Variants in COL1A1 observed in about 807,000 individuals in gnomAD.
COL1A1 encodes collagen alpha-1(I) chain.
COL1A1 carries 21 observed loss-of-function variants against 195.7 expected under a neutral mutation model. The ratio of observed to expected loss-of-function variants is 0.11; its 90% CI spans 0.08 to 0.15. The LOEUF is 0.15. Among genes scored for constraint, COL1A1 ranks in the 10% least tolerant of loss-of-function variants. COL1A1 has a pLI of 1.00. For missense variants in COL1A1, 1,365 were observed against 2,051.0 expected, an observed-to-expected ratio of 0.67 and a Z score of 6.46; for synonymous variants, 749 against 747.3, an observed-to-expected ratio of 1.00 and a Z score of -0.04.
intron 26 of COL1A1, 23 bp from the exon 27 acceptor site, chr17:50,192,873 A>G: frequency 1.9e-6 from 3 of 1,613,460 alleles, no homozygotes; most frequent in Non-Finnish European, 2.5e-6. Context: ...AGCAAAGGGG[A>G]ACTCAGGGTT....
rs1309154160 is a variant in COL1A1, at chr17:50,184,340, C to T, written c.*1162G>A. 1.7e-5 allele frequency: 4 copies of T among 231,482 alleles called. No homozygotes were observed. In the Admixed American group the frequency reaches 2.3e-4, roughly 13 times the overall value. 14.3% of individuals were successfully genotyped at this position (231,482 alleles called of 1,614,324 possible). A position where few individuals can be genotyped will look rare whatever the true frequency, so the allele number is the denominator to read the frequency against. ...GAGGAGGGTTTCAGAGGAGAGAGGT[C>T]GGAGAGCAGAGGCCTGAGAAGCCAG... On this transcript the variant is annotated 3_prime_UTR_variant, in exon 51 of 51. Coordinates refer to ENST00000225964, the MANE Select transcript of COL1A1 (RefSeq NM_000088.4).
intron 5 of COL1A1, 91 bp from the exon 6 acceptor site, chr17:50,198,595 C>A: frequency 1.0e-6 from 1 of 993,458 alleles, no homozygotes. Context: ...TCATGCACTT[C>A]CTGGTGTGAT....
intron 29 of COL1A1, 54 bp from the exon 30 acceptor site, chr17:50,192,078 T>C: frequency 6.3e-7 from 1 of 1,584,300 alleles, no homozygotes. Context: ...CTGGGGCCAC[T>C]CTGCTGGAAA....
chr17:50,195,111 G>T lies in COL1A1; in HGVS notation c.1300-11C>A. The stretch of plus-strand genomic sequence containing the variant: ...AGCACCAGGTTCACCCTGCAAGGGG[G>T]GAGAAGAGGATGAGCTGAGAGTCGG... On this transcript the variant is annotated splice_polypyrimidine_tract_variant and intron_variant, in intron 19 of 50. Transcript: ENST00000225964. This position sits in a 1 kb window ranked among gnomAD's most constrained non-coding sequence, Gnocchi z 4.3. The T allele has an allele frequency of 5.6e-6, 9 of 1,613,608 alleles. No individual in the cohort carries two copies. Among genetic ancestry groups the T allele is most frequent in the Non-Finnish European group, 7.6e-6 (9 of 1,179,782 alleles).
rs1338480757 is a variant in COL1A1 at position 50,186,114 on chromosome 17, C to T, written c.4006-94G>A. 23 of 1,575,480 alleles carry T rather than the reference C, an allele frequency of 1.5e-5. No homozygotes were observed. The highest frequency in any genetic ancestry group is 3.5e-5 in the Admixed American group (2 of 57,168). On this transcript the variant is annotated intron_variant, in intron 49 of 50. Transcript: ENST00000225964. This position sits in a 1 kb window ranked among gnomAD's most constrained non-coding sequence, Gnocchi z 5.3. ...TGTCCAGGGTCCTCAGAGAGCTGCCCAATGCACCGTTATATCGAGAGGAGG... is the reference window on the plus strand; with the variant it reads ...TGTCCAGGGTCCTCAGAGAGCTGCCTAATGCACCGTTATATCGAGAGGAGG...
At chr17:50,192,611 C>T (rs747426618) in intron 28 of COL1A1, 29 bp downstream of exon 28, 1 of 1,614,180 alleles carries the variant, frequency 6.2e-7, no homozygotes, top group South Asian at 1.1e-5. Context: ...CCCCTACCTC[C>T]CAGCATCCTG....
In COL1A1 at chr17:50,194,178, C is replaced by G; in HGVS notation, c.1620G>C (p.Leu540=). 1.2e-6 allele frequency: 2 copies of G among 1,613,532 alleles called. No homozygotes were observed. The highest frequency in any genetic ancestry group is 1.7e-6 in the Non-Finnish European group (2 of 1,179,948). ...GACCAGGGCTGCCAGGGCTTCCAGT[C>G]AGACCCTAGGGAGGCAGAGAGGTAT... ...GEAGLPGAKG[L]TGSPGSPGPD... is the part of the protein sequence containing the mutation. Residue 540 remains leucine, a synonymous_variant, in exon 24 of 51, where the codon CTG becomes CTC. Transcript: ENST00000225964. The surrounding 1 kb of genome is among the most constrained non-coding windows in gnomAD (Gnocchi z 6.8).
In COL1A1 at chr17:50,196,721, G is replaced by A. The variant is rs183016093; in HGVS notation, c.805-51C>T. Reference sequence around the variant, plus strand: ...AAGAACCTGTGGAGGGGGTGGAACAGCCTTGACATCCACCTAGATCTGAGA... The same window carrying A: ...AAGAACCTGTGGAGGGGGTGGAACAACCTTGACATCCACCTAGATCTGAGA... On this transcript the variant is annotated intron_variant, in intron 11 of 50. Transcript: ENST00000225964. 1.4e-4 allele frequency: 218 copies of A among 1,582,636 alleles called. No individual in the cohort carries two copies. The African/African-American group carries it at 2.5e-3, about 18-fold the overall frequency.
chr17:50,193,802 A>G, intron 25 of COL1A1, 141 bp downstream of exon 25: 1 of 786,700 alleles, frequency 1.3e-6, no homozygotes, highest in Non-Finnish European at 2.2e-6. Flanking sequence ...CATTTTACAG[A>G]TAGGGAGGCT....
In COL1A1 at chr17:50,195,513, A is replaced by T; in HGVS notation, c.1156-35T>A. The T allele has an allele frequency of 6.2e-7, 1 of 1,614,068 alleles. No homozygotes were observed. Among genetic ancestry groups the T allele is most frequent in the Non-Finnish European group, 8.5e-7 (1 of 1,179,994 alleles). ...AGAGAAAGGAGTGTCAGCAACAGGCAAGGACTCTGAGGTTAGAAAGTGGCA... is the reference window on the plus strand; with the variant it reads ...AGAGAAAGGAGTGTCAGCAACAGGCTAGGACTCTGAGGTTAGAAAGTGGCA... On this transcript the variant is annotated intron_variant, in intron 17 of 50. Coordinates refer to ENST00000225964, the MANE Select transcript of COL1A1 (RefSeq NM_000088.4). This position sits in a 1 kb window ranked among gnomAD's most constrained non-coding sequence, Gnocchi z 4.3.
At position 50,186,608 on chromosome 17, in the gene COL1A1, G is replaced by A. The variant is rs750614597; in HGVS notation, c.3814+32C>T. ...TGGGGACCCTGGCATGGCAGGAGTA[G>A]GAGGGAGGGAGAGGCTAGGGCAGGC... On this transcript the variant is annotated intron_variant, in intron 48 of 50. Transcript: ENST00000225964. This position sits in a 1 kb window ranked among gnomAD's most constrained non-coding sequence, Gnocchi z 5.3. 4 of 1,613,390 alleles carry A rather than the reference G, an allele frequency of 2.5e-6. No homozygotes were observed. The highest frequency in any genetic ancestry group is 3.4e-6 in the Non-Finnish European group (4 of 1,179,968).
Position 50,184,292 on chromosome 17 carries a change from C to G in COL1A1, c.*1210G>C. The G allele has an allele frequency of 4.3e-6, 1 of 231,436 alleles. No individual in the cohort carries two copies. Among genetic ancestry groups the G allele is most frequent in the East Asian group, 6.1e-5 (1 of 16,372 alleles). 14.3% of individuals were successfully genotyped at this position (231,436 alleles called of 1,614,324 possible). On this transcript the variant is annotated 3_prime_UTR_variant, in exon 51 of 51. Coordinates refer to ENST00000225964, the MANE Select transcript of COL1A1 (RefSeq NM_000088.4). ...GACGCAGGACAGACTAGGAGGGAGC[C>G]GGGAGGATGGGCTGCAGCTGTGGAG...
In COL1A1 at chr17:50,194,454, G is replaced by A. The variant is rs748830899; in HGVS notation, c.1516-7C>T. 1.9e-6 allele frequency: 3 copies of A among 1,613,882 alleles called. No homozygotes were observed. The highest frequency in any genetic ancestry group is 2.2e-5 in the South Asian group (2 of 91,080). ...CACGTTCACCAGCGGGACCCTGGTTGGGGGAAGTCACAGGAACAGTTAGGG... is the reference window on the plus strand; with the variant it reads ...CACGTTCACCAGCGGGACCCTGGTTAGGGGAAGTCACAGGAACAGTTAGGG... On this transcript the variant is annotated splice_region_variant and splice_polypyrimidine_tract_variant and intron_variant, in intron 22 of 50. Coordinates refer to ENST00000225964, the MANE Select transcript of COL1A1 (RefSeq NM_000088.4). The surrounding 1 kb of genome is among the most constrained non-coding windows in gnomAD (Gnocchi z 6.8).
intron 25 of COL1A1, chr17:50,193,481 C>CTTT: frequency 1.5e-5 from 2 of 136,840 alleles, no homozygotes; most frequent in Non-Finnish European, 1.3e-5. Context: ...TTCTTTCTTT[C>CTTT]TTCTTTTTTT....
At chr17:50,193,843 A>G in intron 25 of COL1A1, 100 bp downstream of exon 25, 2 of 1,060,224 alleles carry the variant, frequency 1.9e-6, no homozygotes, top group South Asian at 2.6e-5. Flanking sequence ...GAGTGGCCAC[A>G]CGGCAGGTCA....
At chr17:50,197,130 T>A in intron 10 of COL1A1, 50 bp downstream of exon 10, 1 of 1,613,982 alleles carries the variant, frequency 6.2e-7, no homozygotes, top group Non-Finnish European at 8.5e-7. Context: ...AGCTCCTAAA[T>A]GAAGCCCAAG....
In COL1A1 at chr17:50,193,793, A is replaced by T. The variant is rs150535628; in HGVS notation, c.1767+150T>A. On this transcript the variant is annotated intron_variant, in intron 25 of 50. Coordinates refer to ENST00000225964, the MANE Select transcript of COL1A1 (RefSeq NM_000088.4). Reference sequence around the variant, plus strand: ...ACCGTGCCCCGCCGAGAAGTCTTTCATTTTACAGATAGGGAGGCTGAGGTC... The same window carrying T: ...ACCGTGCCCCGCCGAGAAGTCTTTCTTTTTACAGATAGGGAGGCTGAGGTC... 77 of 773,644 alleles carry T rather than the reference A, an allele frequency of 1.0e-4. 1 individual carries two copies. In the African/African-American group the frequency reaches 1.2e-3, roughly 12 times the overall value. 47.9% of individuals were successfully genotyped at this position (773,644 alleles called of 1,614,324 possible).
In COL1A1 at chr17:50,195,053, T is replaced by C. The variant is rs757237837; in HGVS notation, c.1347A>G (p.Gly449=). The C allele has an allele frequency of 2.4e-5, 39 of 1,613,478 alleles. No homozygotes were observed. In the African/African-American group the frequency reaches 4.4e-4, roughly 18 times the overall value. Reference sequence around the variant, plus strand: ...GGATGGCGGGGAGACTTACAGGCTCTCCCTTAGCACCAGTGTCTCCTTTGC... The same window carrying C: ...GGATGGCGGGGAGACTTACAGGCTCCCCCTTAGCACCAGTGTCTCCTTTGC... The part of the protein sequence containing the change: ...PGSKGDTGAK[G]EPGPVGVQGP... Residue 449 remains glycine (G), a synonymous_variant, in exon 20 of 51, where the codon GGA becomes GGG. Coordinates refer to ENST00000225964, the MANE Select transcript of COL1A1 (RefSeq NM_000088.4). This position sits in a 1 kb window ranked among gnomAD's most constrained non-coding sequence, Gnocchi z 4.3.
chr17:50,191,497 G>T lies in COL1A1; in HGVS notation c.2128-7C>A. The T allele has an allele frequency of 6.2e-7, 1 of 1,613,592 alleles. No individual in the cohort carries two copies. The highest frequency in any genetic ancestry group is 1.1e-5 in the South Asian group (1 of 91,060). On this transcript the variant is annotated splice_polypyrimidine_tract_variant and splice_region_variant and intron_variant, in intron 31 of 50. Coordinates refer to ENST00000225964, the MANE Select transcript of COL1A1 (RefSeq NM_000088.4). Reference sequence around the variant, plus strand: ...CAGGGGCACCAGCATCACCCTATGTGACAACCAAGAAGACTGGAGTGAGGC... The same window carrying T: ...CAGGGGCACCAGCATCACCCTATGTTACAACCAAGAAGACTGGAGTGAGGC...
Sources: gnomAD v4.1 joint callset for allele counts on GRCh38, gnomAD v4.1.1 for gene constraint, Gnocchi (gnomAD v3.1) non-coding constraint, MANE v1.5 for transcripts, NCBI Gene and HGNC (gene_info 2026-07-23, HGNC 2026-07-21) for gene names.